Variants in RORA observed in about 807,000 individuals in gnomAD.
RORA encodes RAR related orphan receptor A, also known as nuclear receptor ROR-alpha.
Under a neutral mutation model 69.5 loss-of-function variants are expected in RORA, and 7 were observed. The ratio of observed to expected loss-of-function variants is 0.10; its 90% CI spans 0.06 to 0.19. The LOEUF (loss-of-function observed/expected upper bound fraction) is 0.19. Among genes scored for constraint, RORA ranks in the 10% least tolerant of loss-of-function variants. The probability of loss-of-function intolerance (pLI) is 1.00; values close to 1 mark genes in which losing one functional copy is unlikely to be tolerated. For missense variants in RORA, 457 were observed against 663.0 expected (o/e 0.69, Z 3.41); for synonymous variants, 261 against 240.8 (o/e 1.08, Z -0.78).
chr15:60,678,749 C>G, intron 1 of RORA, 63 bp from the exon 2 acceptor site: 1 of 1,393,698 alleles, frequency 7.2e-7, no homozygotes, highest in African/African-American at 1.4e-5. Context: ...TTTGAATGTC[C>G]GTCATTCCCA....
At chr15:61,209,165 G>A (rs568709436) in intron 1 of RORA, among the ~76,000 whole-genome samples, 3 of 152,192 alleles carry the variant, frequency 2.0e-5, no homozygotes, top group African/African-American at 4.8e-5. Flanking sequence ...GCTCGCCACA[G>A]GGGCTTGTCT....
chr15:60,870,481 G>A (rs553566850), intron 1 of RORA, among the ~76,000 whole-genome samples: 1 of 152,324 alleles, frequency 6.6e-6, no homozygotes, highest in Non-Finnish European at 1.5e-5. Flanking sequence ...CTGGACCCAA[G>A]GAGGTAGTGG....
At chr15:60,546,916 G>A (rs534676240) in intron 2 of RORA, among the ~76,000 whole-genome samples, 1 of 152,176 alleles carries the variant, frequency 6.6e-6, no homozygotes, top group Non-Finnish European at 1.5e-5. Context: ...TTTCCCTCGT[G>A]TTGTCCCTCC....
At chr15:60,839,981 G>A (rs910991438) in intron 1 of RORA, among the ~76,000 whole-genome samples, 3 of 152,152 alleles carry the variant, frequency 2.0e-5, no homozygotes, top group Non-Finnish European at 4.4e-5. Context: ...GGAGGAGGAA[G>A]TAAGAGTTAC....
chr15:60,929,384 T>C (rs1302488522), intron 1 of RORA, among the ~76,000 whole-genome samples: 2 of 152,190 alleles, frequency 1.3e-5, no homozygotes, highest in African/African-American at 4.8e-5. Context: ...CTGGTCTTTG[T>C]TGAGAGGAAG....
chr15:60,852,104 C>G (rs781706582), intron 1 of RORA, among the ~76,000 whole-genome samples: 9 of 152,164 alleles, frequency 5.9e-5, no homozygotes, highest in Non-Finnish European at 1.2e-4. Context: ...GATGGCACAC[C>G]AGCGCTTGAA....
At chr15:60,654,151 A>G (rs1428952954) in intron 2 of RORA, among the ~76,000 whole-genome samples, 1 of 152,200 alleles carries the variant, frequency 6.6e-6, no homozygotes, top group Non-Finnish European at 1.5e-5. Context: ...CTAAGGACAG[A>G]GAAGTCTTAT....
At chr15:60,894,355 C>T (rs1161663801) in intron 1 of RORA, among the ~76,000 whole-genome samples, 1 of 152,166 alleles carries the variant, frequency 6.6e-6, no homozygotes, top group Non-Finnish European at 1.5e-5. Flanking sequence ...CAATCTCTCC[C>T]GCCACACCCT....
At position 61,024,172 on chromosome 15, in the gene RORA, C is replaced by G. The variant is rs180863544; in HGVS notation, c.166+204881G>C. ...ATCTACCCTAAGGACACCAGCATAA[C>G]AGGGGAACAAGTCAAACTGGGGTGG... is the stretch of plus-strand genomic sequence containing the variant. On this transcript the variant is annotated intron_variant, in intron 1 of 10. Transcript: ENST00000335670. Among the ~76,000 whole-genome samples the G allele has an allele frequency of 2.7e-5, 4 of 150,582 alleles. No homozygotes were observed. The Admixed American group carries it at 2.7e-4, about 10-fold the overall frequency.
chr15:60,535,466 G>C (rs982421063), intron 2 of RORA, among the ~76,000 whole-genome samples: 29 of 152,316 alleles, frequency 1.9e-4, no homozygotes, highest in African/African-American at 7.0e-4. Context: ...GACAACAAGT[G>C]GCAGCGGGCA....
chr15:60,836,722 T>G (rs1418445673), intron 1 of RORA, among the ~76,000 whole-genome samples: 1 of 152,168 alleles, frequency 6.6e-6, no homozygotes, highest in African/African-American at 2.4e-5. Flanking sequence ...ATTTAACCCC[T>G]GCAGGAAAGC....
chr15:60,899,509 T>A (rs1891325484), intron 1 of RORA, among the ~76,000 whole-genome samples: 1 of 151,692 alleles, frequency 6.6e-6, no homozygotes, highest in Admixed American at 6.6e-5. Context: ...AGACAGGGAG[T>A]TTCCTGAGCA....
At chr15:60,875,332 G>T (rs1019572647) in intron 1 of RORA, among the ~76,000 whole-genome samples, 1 of 152,192 alleles carries the variant, frequency 6.6e-6, no homozygotes, top group African/African-American at 2.4e-5. Flanking sequence ...CAGAATTTTA[G>T]TATAATCTAC....
chr15:60,720,931 T>C (rs777383394), intron 1 of RORA, among the ~76,000 whole-genome samples: 1 of 152,092 alleles, frequency 6.6e-6, no homozygotes, highest in Non-Finnish European at 1.5e-5. Flanking sequence ...CCCAGCCAGC[T>C]CTCGGTTCAG....
chr15:61,117,866 CA>C (rs1363468773), intron 1 of RORA, among the ~76,000 whole-genome samples: 1 of 152,186 alleles, frequency 6.6e-6, no homozygotes, highest in African/African-American at 2.4e-5. Flanking sequence ...ATAAAGACTT[CA>C]AAAGTACATA....
chr15:60,703,174 T>G (rs1245378657), intron 1 of RORA, among the ~76,000 whole-genome samples: 2 of 150,924 alleles, frequency 1.3e-5, no homozygotes, highest in Non-Finnish European at 2.9e-5. Flanking sequence ...ATCTCTTTTC[T>G]AAAGCACACA....
intron 1 of RORA, among the ~76,000 whole-genome samples, chr15:60,859,393 ACC>A (rs2073413573): frequency 1.3e-5 from 1 of 77,242 alleles, no homozygotes; most frequent in African/African-American, 5.3e-5. Flanking sequence ...GGACCTTGGG[ACC>A]TTGGGACCTT....
At position 60,611,559 on chromosome 15, in the gene RORA, CAAAAAAAAAAAAAAAAA is replaced by C. The variant is rs533598270; in HGVS notation, c.196+67081_196+67097del. Reference sequence around the variant, plus strand: ...TTACCTCAAACAATCTTGAGTTTTGCAAAAAAAAAAAAAAAAAAAAAAAAAAAAAAGGTGGAGTCTTC... The same window carrying C: ...TTACCTCAAACAATCTTGAGTTTTGCAAAAAAAAAAAAAGGTGGAGTCTTC... On this transcript the variant is annotated intron_variant, in intron 2 of 10. Coordinates refer to ENST00000335670, the MANE Select transcript of RORA (RefSeq NM_134261.3). Among the ~76,000 whole-genome samples the C allele has an allele frequency of 1.2e-3, 42 of 35,828 alleles. 3 individuals carry two copies. In the Admixed American group the frequency reaches 0.012, roughly 11 times the overall value. The allele number at this position is 35,828 out of a possible 152,430, so 23.5% of individuals were successfully genotyped here.
intron 3 of RORA, among the ~76,000 whole-genome samples, chr15:60,517,110 C>CTTTTT (rs34707279): frequency 5.0e-5 from 7 of 141,272 alleles, no homozygotes; most frequent in Non-Finnish European, 9.0e-5. Context: ...TTCATCTGTG[C>CTTTTT]TTTTTTTTTT....
Sources: allele counts gnomAD v4.1 joint callset (sites outside exome capture counted in the v4.1 genomes callset), GRCh38; gene constraint gnomAD v4.1.1; transcripts MANE v1.5; gene names NCBI Gene and HGNC (gene_info 2026-07-23, HGNC 2026-07-21).